Variants in ZNF274 observed in about 807,000 individuals in gnomAD.
ZNF274 encodes the protein neurotrophin receptor-interacting factor homolog.
ZNF274 carries 23 observed loss-of-function variants against 42.5 expected under a neutral mutation model. That is an observed-to-expected ratio of 0.54 (90% CI 0.39 to 0.77). ZNF274 has a LOEUF of 0.77. ZNF274 is among the 30% of genes least tolerant of loss of function. ZNF274 has a pLI of 0.00. For missense variants in ZNF274, 679 were observed against 806.5 expected (o/e 0.84, Z 1.91); for synonymous variants, 292 against 305.4 (o/e 0.96, Z 0.46).
rs199571625 is a variant in ZNF274 at position 58,197,335 on chromosome 19, GA to G, written c.257-9378del. On this transcript the variant is annotated intron_variant, in intron 4 of 7. Coordinates refer to ENST00000617501, the MANE Select transcript of ZNF274 (RefSeq NM_133502.3). ...TAACTCTCACCTTATGTGACAGAAC[GA>G]AAAAAATATACACTGAAAAGAACCC... Among the ~76,000 whole-genome samples the G allele has an allele frequency of 6.3e-3, 951 of 152,076 alleles. 10 individuals are homozygous for G. The highest frequency in any genetic ancestry group is 0.022 in the African/African-American group (920 of 41,486).
At chr19:58,201,032 G>A (rs950251254) in intron 4 of ZNF274, among the ~76,000 whole-genome samples, 1 of 151,248 alleles carries the variant, frequency 6.6e-6, no homozygotes, top group Non-Finnish European at 1.5e-5. Context: ...TTGGAGACAC[G>A]GTCTCACTCT....
At chr19:58,189,628 A>G (rs1351199278) in intron 4 of ZNF274, among the ~76,000 whole-genome samples, 2 of 152,200 alleles carry the variant, frequency 1.3e-5, no homozygotes, top group South Asian at 4.1e-4. Context: ...AAAAAAAGAA[A>G]AAGTCTTAGC....
intron 4 of ZNF274, among the ~76,000 whole-genome samples, chr19:58,191,170 A>T (rs1426157842): frequency 3.9e-5 from 6 of 152,024 alleles, no homozygotes; most frequent in South Asian, 4.2e-4. Flanking sequence ...ACAGAGTCTC[A>T]CTCTATCGCC....
rs1244700287 is a variant in ZNF274, at chr19:58,183,981, C to T, written c.16C>T (p.Pro6Ser). 1 of 1,596,170 alleles carries T rather than the reference C, an allele frequency of 6.3e-7. No homozygotes were observed. The highest frequency in any genetic ancestry group is 1.1e-5 in the South Asian group (1 of 88,034). The change falls in exon 2 of 8, where the codon CCG becomes TCG. Residue 6 changes from proline (P) to serine (S), a missense_variant. Transcript: ENST00000617501. ...GGAGGAAACTATGGCCTCCAGGCTTCCGACGGCCTGGTCCTGTGTGAGTAG... is the reference window on the plus strand; with the variant it reads ...GGAGGAAACTATGGCCTCCAGGCTTTCGACGGCCTGGTCCTGTGTGAGTAG... MASRL[P>S]TAWSCEPVTF...
At chr19:58,194,888 C>G (rs1362291489) in intron 4 of ZNF274, among the ~76,000 whole-genome samples, 1 of 152,002 alleles carries the variant, frequency 6.6e-6, no homozygotes, top group Non-Finnish European at 1.5e-5. Flanking sequence ...GTAGTCCCAG[C>G]TACTCAGGAG....
intron 4 of ZNF274, among the ~76,000 whole-genome samples, chr19:58,205,738 G>A (rs963473396): frequency 6.6e-6 from 1 of 152,180 alleles, no homozygotes; most frequent in African/African-American, 2.4e-5. Context: ...CTGGAGTTCA[G>A]TTTAGCAATG....
At position 58,211,822 on chromosome 19, in the gene ZNF274, TG is replaced by T. The variant is rs1430714711; in HGVS notation, c.979+138del. ...CCTTGCTGCATCCAGGGCCTGTAAG[TG>T]GAACTGTAGACCTAGAGGGGTGAGG... On this transcript the variant is annotated intron_variant, in intron 7 of 7. Coordinates refer to ENST00000617501, the MANE Select transcript of ZNF274 (RefSeq NM_133502.3). The surrounding 1 kb of genome is among the most constrained non-coding windows in gnomAD (Gnocchi z 4.8). The T allele has an allele frequency of 3.0e-6, 4 of 1,317,494 alleles. No homozygotes were observed. The highest frequency in any genetic ancestry group is 4.1e-6 in the Non-Finnish European group (4 of 984,374). The allele number at this position is 1,317,494 out of a possible 1,614,324, so 81.6% of individuals were successfully genotyped here. A position where few individuals can be genotyped will look rare whatever the true frequency, so the allele number is the denominator to read the frequency against.
In ZNF274 at chr19:58,208,998, T is replaced by C. The variant is rs956813700; in HGVS notation, c.740-963T>C. On this transcript the variant is annotated intron_variant, in intron 5 of 7. Transcript: ENST00000617501. The surrounding 1 kb of genome is among the most constrained non-coding windows in gnomAD (Gnocchi z 4.5). ...GTGTGTTAGTTGGGACGCTTGAGTG[T>C]GACTGCTGCAAAGCCTTGCACAGAA... The C allele has an allele frequency of 3.9e-5, 6 of 152,226 alleles. No homozygotes were observed. The highest frequency in any genetic ancestry group is 1.4e-4 in the African/African-American group (6 of 41,444). 9.4% of individuals were successfully genotyped at this position (152,226 alleles called of 1,614,324 possible). A position where few individuals can be genotyped will look rare whatever the true frequency, so the allele number is the denominator to read the frequency against.
intron 5 of ZNF274, 24 bp from the exon 6 acceptor site, chr19:58,209,937 C>T (rs939317814): frequency 1.1e-5 from 18 of 1,590,958 alleles, no homozygotes; most frequent in African/African-American, 6.7e-5. Flanking sequence ...CTGCTGACCT[C>T]CTCTGGCTGG....
At chr19:58,183,894 C>T in intron 1 of ZNF274, 27 bp from the exon 2 acceptor site, 4 of 1,508,826 alleles carry the variant, frequency 2.7e-6, no homozygotes, top group East Asian at 2.4e-5. Flanking sequence ...AAGCCTCTCC[C>T]TCCCCTCCCA....
chr19:58,183,336 T>A lies in ZNF274; in HGVS notation c.-152T>A, dbSNP rs567497727. ...GCCAGTCAAGATGGCCGCCGCTGGG[T>A]GAGGCAAGCTGGCGCGCCGCGGGGG... On this transcript the variant is annotated 5_prime_UTR_variant, in exon 1 of 8. An upstream open reading frame in the 5' UTR loses its in-frame stop. Transcript: ENST00000617501. 1 of 152,416 alleles carries A rather than the reference T, an allele frequency of 6.6e-6. No homozygotes were observed. Among genetic ancestry groups the A allele is most frequent in the East Asian group, 1.9e-4 (1 of 5,176 alleles). The allele number at this position is 152,416 out of a possible 1,614,324, so 9.4% of individuals were successfully genotyped here. A position where few individuals can be genotyped will look rare whatever the true frequency, so the allele number is the denominator to read the frequency against.
At chr19:58,196,463 G>A (rs1323818172) in intron 4 of ZNF274, among the ~76,000 whole-genome samples, 1 of 152,110 alleles carries the variant, frequency 6.6e-6, no homozygotes, top group Non-Finnish European at 1.5e-5. Flanking sequence ...TTGGGAGGCT[G>A]AGGTGGGAGG....
At chr19:58,189,186 C>A (rs1394363726) in intron 4 of ZNF274, among the ~76,000 whole-genome samples, 2 of 152,134 alleles carry the variant, frequency 1.3e-5, no homozygotes, top group East Asian at 3.9e-4. Flanking sequence ...TATCATATCC[C>A]AGACCATATA....
In ZNF274 at chr19:58,213,239, G is replaced by C. The variant is rs1339786093; in HGVS notation, c.*96G>C. The C allele has an allele frequency of 2.0e-6, 3 of 1,469,552 alleles. No homozygotes were observed. Among genetic ancestry groups the C allele is most frequent in the Non-Finnish European group, 2.7e-6 (3 of 1,108,426 alleles). 91.0% of individuals were successfully genotyped at this position (1,469,552 alleles called of 1,614,324 possible). On this transcript the variant is annotated 3_prime_UTR_variant, in exon 8 of 8. Coordinates refer to ENST00000617501, the MANE Select transcript of ZNF274 (RefSeq NM_133502.3). ...GTGAATCAGGACTGAATGTGAAAGG[G>C]AAGTATTGAGTGAGGACATTCCCAA...
In ZNF274 at chr19:58,207,289, G is replaced by A. The variant is rs2075991419; in HGVS notation, c.739+87G>A. The stretch of plus-strand genomic sequence containing the variant: ...GAGATAAGAACTCCAGGCTTCCTAG[G>A]AAGGTCATGGGAAGGATTGTGTCCG... On this transcript the variant is annotated intron_variant, in intron 5 of 7. Transcript: ENST00000617501. The surrounding 1 kb of genome is among the most constrained non-coding windows in gnomAD (Gnocchi z 5.6). 4.1e-6 allele frequency: 6 copies of A among 1,480,614 alleles called. No homozygotes were observed. The Admixed American group carries it at 1.5e-4, about 37-fold the overall frequency. The allele number at this position is 1,480,614 out of a possible 1,614,324, so 91.7% of individuals were successfully genotyped here.
chr19:58,204,813 G>A (rs952808049), intron 4 of ZNF274, among the ~76,000 whole-genome samples: 1 of 152,144 alleles, frequency 6.6e-6, no homozygotes, highest in African/African-American at 2.4e-5. Flanking sequence ...TAAAGACCAG[G>A]CCGTCCAGAT....
In ZNF274 at chr19:58,204,345, CA is replaced by C. The variant is rs538393741; in HGVS notation, c.257-2374del. ...GTAGTTCTGGGCGCTTTTCCGGGTC[CA>C]GGGGGGGCAGGGTTCGAGGCGTGGC... On this transcript the variant is annotated intron_variant, in intron 4 of 7. Transcript: ENST00000617501. Among the ~76,000 whole-genome samples the C allele has an allele frequency of 1.2e-3, 183 of 151,610 alleles. 1 individual carries two copies. The highest frequency in any genetic ancestry group is 3.9e-3 in the African/African-American group (162 of 41,268).
At chr19:58,191,951 C>T (rs1483477659) in intron 4 of ZNF274, among the ~76,000 whole-genome samples, 1 of 152,150 alleles carries the variant, frequency 6.6e-6, no homozygotes, top group Non-Finnish European at 1.5e-5. Context: ...CTTTTACAAA[C>T]ATGTTACACA....
rs756034976 is a variant in ZNF274, at chr19:58,212,302, G to C, written c.1121G>C (p.Gly374Ala). The stretch of plus-strand genomic sequence containing the variant: ...ACATTAGAAGATACCTTGCAGGGTG[G>C]GGTCCAGGAAGTCCAAGACACAGTG... ...SSTLEDTLQG[G>A]VQEVQDTVLK... Residue 374 changes from glycine to alanine, a missense_variant, in exon 8 of 8, where the codon GGG becomes GCG. Transcript: ENST00000617501. This position sits in a 1 kb window ranked among gnomAD's most constrained non-coding sequence, Gnocchi z 4.6. 5 of 1,613,946 alleles carry C rather than the reference G, an allele frequency of 3.1e-6. 1 individual carries two copies. In the South Asian group the frequency reaches 5.5e-5, roughly 18 times the overall value.
Sources: gnomAD v4.1 joint callset for allele counts (sites outside exome capture counted in the v4.1 genomes callset) on GRCh38, gnomAD v4.1.1 for gene constraint, Gnocchi (gnomAD v3.1) non-coding constraint, MANE v1.5 for transcripts, NCBI Gene and HGNC (gene_info 2026-07-23, HGNC 2026-07-21) for gene names.